Variants in CAST observed in about 807,000 individuals in gnomAD.
CAST encodes the protein calpastatin, also known as MIR583 host.
A neutral mutation model predicts 119.6 loss-of-function variants in CAST; 76 were observed. The ratio of observed to expected loss-of-function variants is 0.64; its 90% CI spans 0.53 to 0.77. The LOEUF (loss-of-function observed/expected upper bound fraction) is 0.77, where lower values mean the gene tolerates loss of function less well. CAST is among the 30% of genes least tolerant of loss of function. The probability of loss-of-function intolerance (pLI) is 0.00; values close to 1 mark genes in which losing one functional copy is unlikely to be tolerated. For missense variants in CAST, 953 were observed against 946.5 expected (o/e 1.01, Z -0.09); for synonymous variants, 319 against 331.6 (o/e 0.96, Z 0.41).
chr5:96,567,830 A>G (rs1265316168), intron 1 of CAST, among the ~76,000 whole-genome samples: 1 of 152,166 alleles, frequency 6.6e-6, no homozygotes, highest in East Asian at 1.9e-4. Flanking sequence ...GGGAATGTAG[A>G]CAGGGGATGA....
chr5:96,307,524 T>C, the CAST span, among the ~76,000 whole-genome samples: 451 of 152,352 alleles, frequency 3.0e-3, 2 homozygotes, highest in African/African-American at 0.011. Context: ...TGCCTGTTAG[T>C]TGATGCAGTT....
chr5:96,703,173 C>T (rs577718508), intron 3 of CAST, among the ~76,000 whole-genome samples: 2 of 152,166 alleles, frequency 1.3e-5, no homozygotes, highest in African/African-American at 2.4e-5. Context: ...ATCTGGTGAC[C>T]GGACGCGTAG....
At chr5:96,210,191 A>G in the CAST span, 3 of 151,936 alleles carry the variant, frequency 2.0e-5, no homozygotes, top group Admixed American at 1.3e-4. Flanking sequence ...TCTCTGTATC[A>G]TTCCAGTTTT....
chr5:96,333,852 C>A, the CAST span, among the ~76,000 whole-genome samples: 1 of 152,160 alleles, frequency 6.6e-6, no homozygotes, highest in African/African-American at 2.4e-5. Flanking sequence ...CCTCTCTGAG[C>A]TTCATTTATT....
the CAST span, among the ~76,000 whole-genome samples, chr5:96,356,750 T>G: frequency 2.0e-5 from 3 of 152,236 alleles, no homozygotes; most frequent in East Asian, 5.8e-4. Flanking sequence ...TAGTATAGTT[T>G]GAAGTCAGGT....
At chr5:96,744,995 A>G (rs1440557457) in intron 16 of CAST, among the ~76,000 whole-genome samples, 1 of 152,200 alleles carries the variant, frequency 6.6e-6, no homozygotes, top group African/African-American at 2.4e-5. Context: ...CCTACTGTAT[A>G]CAAACCAGAG....
At chr5:96,006,099 A>AT in the CAST span, among the ~76,000 whole-genome samples, 6 of 152,136 alleles carry the variant, frequency 3.9e-5, no homozygotes, top group Non-Finnish European at 5.9e-5. Flanking sequence ...GTTGACAGAT[A>AT]TTTTTTCCAT....
intron 1 of CAST, among the ~76,000 whole-genome samples, chr5:96,545,905 T>G (rs1246317241): frequency 6.6e-6 from 1 of 152,250 alleles, no homozygotes; most frequent in Admixed American, 6.5e-5. Context: ...CTATCTTTAG[T>G]CTAACCACAT....
intron 3 of CAST, among the ~76,000 whole-genome samples, chr5:96,717,570 T>C (rs1158540963): frequency 6.6e-6 from 1 of 152,230 alleles, no homozygotes; most frequent in Non-Finnish European, 1.5e-5. Context: ...ATTTCAATTT[T>C]ACATATGAGG....
the CAST span, among the ~76,000 whole-genome samples, chr5:96,437,765 G>T: frequency 1.3e-5 from 2 of 152,090 alleles, no homozygotes; most frequent in East Asian, 3.8e-4. Flanking sequence ...AGTTTGAGAC[G>T]CACTGATCTA....
the CAST span, among the ~76,000 whole-genome samples, chr5:96,469,626 A>G: frequency 2.6e-5 from 4 of 151,940 alleles, no homozygotes; most frequent in Admixed American, 2.6e-4. Flanking sequence ...GAGAAAACAG[A>G]ATGCATTGAA....
At chr5:96,200,433 C>A in the CAST span, among the ~76,000 whole-genome samples, 1 of 152,086 alleles carries the variant, frequency 6.6e-6, no homozygotes, top group Non-Finnish European at 1.5e-5. Flanking sequence ...TGCCCTAGAA[C>A]ACTAGAGTAA....
the CAST span, among the ~76,000 whole-genome samples, chr5:96,267,997 G>T: frequency 6.6e-6 from 1 of 152,094 alleles, no homozygotes; most frequent in East Asian, 1.9e-4. Context: ...AAGATAAATT[G>T]TCATCTCTTT....
At chr5:96,390,609 T>C in the CAST span, 1 of 152,662 alleles carries the variant, frequency 6.6e-6, no homozygotes, top group Non-Finnish European at 1.5e-5. Context: ...TGAAACTTTC[T>C]TATTCTCAGG....
the CAST span, chr5:96,214,735 T>C: frequency 6.6e-6 from 1 of 152,262 alleles, no homozygotes; most frequent in South Asian, 2.1e-4. Context: ...TGCACTGTGA[T>C]GAGAACAAAG....
the CAST span, among the ~76,000 whole-genome samples, chr5:96,455,478 TAA>T: frequency 5.9e-3 from 901 of 152,320 alleles, 2 homozygotes; most frequent in Middle Eastern, 0.01. Flanking sequence ...TTCCAATAAT[TAA>T]AAAGAGTTTC....
At chr5:96,411,015 C>T in the CAST span, 16 of 1,474,144 alleles carry the variant, frequency 1.1e-5, no homozygotes, top group Non-Finnish European at 1.5e-5. Flanking sequence ...TGCATATTAT[C>T]TGTTATCATC....
chr5:96,002,637 G>A, the CAST span, among the ~76,000 whole-genome samples: 5 of 152,010 alleles, frequency 3.3e-5, no homozygotes, highest in African/African-American at 9.7e-5. Context: ...CTGAAGCCAG[G>A]GGAGAGTAAG....
the CAST span, among the ~76,000 whole-genome samples, chr5:96,456,161 C>G: frequency 2.4e-4 from 37 of 152,280 alleles, no homozygotes; most frequent in African/African-American, 8.4e-4. Context: ...AACTTAGCTC[C>G]ATCTAATACT....
Sources: allele counts gnomAD v4.1 joint callset (sites outside exome capture counted in the v4.1 genomes callset), GRCh38; gene constraint gnomAD v4.1.1; transcripts MANE v1.5; gene names NCBI Gene and HGNC (gene_info 2026-07-23, HGNC 2026-07-21).